The following CDH12 variants were observed in gnomAD, a reference collection of about 807,000 sequenced individuals.
CDH12 encodes cadherin-12.
In CDH12, 41 loss-of-function variants were observed where a neutral mutation model predicts 74.1. The observed-to-expected ratio is 0.55, with a 90% CI of 0.43 to 0.72. The LOEUF (loss-of-function observed/expected upper bound fraction) is 0.72. CDH12 is among the 30% of genes least tolerant of loss of function. The pLI is 0.00. For missense variants in CDH12, 945 were observed against 977.2 expected (o/e 0.97, Z 0.44); for synonymous variants, 399 against 355.0 (o/e 1.12, Z -1.39).
At chr5:22,597,929 A>G (rs1736681527) in intron 1 of CDH12, among the ~76,000 whole-genome samples, 1 of 152,222 alleles carries the variant, frequency 6.6e-6, no homozygotes, top group South Asian at 2.1e-4. Context: ...ACTACAAAAT[A>G]TCAAAGATAT....
chr5:22,011,087 G>A (rs4585406), intron 5 of CDH12, among the ~76,000 whole-genome samples: 34,108 of 151,920 alleles, frequency 0.22, 3,959 homozygotes, highest in South Asian at 0.33. Context: ...GTCTCTTTTC[G>A]AGGGAAATAA....
intron 6 of CDH12, among the ~76,000 whole-genome samples, chr5:21,880,564 C>CCTTCCTTCCTTCCTTCCCTTCT (rs1561268045): frequency 2.1e-4 from 3 of 14,522 alleles, no homozygotes; most frequent in African/African-American, 3.6e-4. Context: ...CCTTCCTTCC[C>CCTTCCTTCCTTCCTTCCCTTCT]TTCTTTCTTT....
At chr5:22,533,260 C>T (rs1549326) in intron 1 of CDH12, among the ~76,000 whole-genome samples, 21,718 of 152,064 alleles carry the variant, frequency 0.14, 2,259 homozygotes, top group East Asian at 0.36. Context: ...CACAAGAGAG[C>T]CCCTGCCTAA....
intron 3 of CDH12, among the ~76,000 whole-genome samples, chr5:22,270,118 G>T (rs2150399589): frequency 6.6e-6 from 1 of 152,166 alleles, no homozygotes; most frequent in Admixed American, 6.5e-5. Flanking sequence ...TCTGCTTATT[G>T]TTATAAATGT....
intron 5 of CDH12, among the ~76,000 whole-genome samples, chr5:22,020,605 T>C (rs1384727151): frequency 6.6e-6 from 1 of 151,710 alleles, no homozygotes; most frequent in Admixed American, 6.6e-5. Context: ...TTCATGTCAA[T>C]TGATTCCTGA....
intron 2 of CDH12, among the ~76,000 whole-genome samples, chr5:22,407,200 TTTAAG>T (rs758970474): frequency 2.6e-5 from 4 of 152,090 alleles, no homozygotes; most frequent in Non-Finnish European, 5.9e-5. Flanking sequence ...AAAATTATCA[TTTAAG>T]TTAATTATTC....
At chr5:22,231,991 T>C (rs1752402871) in intron 3 of CDH12, among the ~76,000 whole-genome samples, 1 of 151,906 alleles carries the variant, frequency 6.6e-6, no homozygotes, top group African/African-American at 2.4e-5. Flanking sequence ...AGATATTTTA[T>C]ACATTGCCTA....
chr5:22,116,754 A>T (rs577797379), intron 4 of CDH12, among the ~76,000 whole-genome samples: 1 of 152,200 alleles, frequency 6.6e-6, no homozygotes, highest in African/African-American at 2.4e-5. Context: ...TATATAATAA[A>T]TGGTGTTTTA....
intron 6 of CDH12, among the ~76,000 whole-genome samples, chr5:21,944,868 A>C (rs1382380607): frequency 6.6e-6 from 1 of 152,092 alleles, no homozygotes; most frequent in African/African-American, 2.4e-5. Flanking sequence ...CCACCTAACC[A>C]GTCTACAAGA....
At chr5:22,146,084 C>T (rs1226266856) in intron 4 of CDH12, among the ~76,000 whole-genome samples, 3 of 151,968 alleles carry the variant, frequency 2.0e-5, no homozygotes, top group African/African-American at 7.2e-5. Flanking sequence ...TTGTAATGAC[C>T]TGTAAAATGA....
intron 6 of CDH12, among the ~76,000 whole-genome samples, chr5:21,935,138 TCTC>T (rs1180129720): frequency 2.0e-5 from 3 of 152,072 alleles, no homozygotes; most frequent in Admixed American, 1.3e-4. Context: ...TGCTTCTCCT[TCTC>T]CTCCTCTTCT....
At chr5:22,396,338 G>A (rs1032499892) in intron 3 of CDH12, among the ~76,000 whole-genome samples, 3 of 152,066 alleles carry the variant, frequency 2.0e-5, no homozygotes, top group African/African-American at 4.8e-5. Flanking sequence ...AGTTACTCCT[G>A]TGGAGCAAAG....
chr5:22,834,181 C>T (rs1020131545), intron 1 of CDH12, among the ~76,000 whole-genome samples: 1 of 152,160 alleles, frequency 6.6e-6, no homozygotes, highest in African/African-American at 2.4e-5. Flanking sequence ...AGCATCAGTA[C>T]CACTTCTGCT....
chr5:22,822,162 G>C (rs1265817032), intron 1 of CDH12, among the ~76,000 whole-genome samples: 1 of 151,536 alleles, frequency 6.6e-6, no homozygotes, highest in African/African-American at 2.4e-5. Flanking sequence ...ATGGTGCTGG[G>C]AAAACTGGCT....
chr5:22,491,433 G>T (rs35132527), intron 2 of CDH12, among the ~76,000 whole-genome samples: 59,120 of 151,644 alleles, frequency 0.39, 11,845 homozygotes, highest in Non-Finnish European at 0.44. Context: ...ACAAATTGTT[G>T]TATGTTACAA....
chr5:22,242,404 T>C (rs1385274467), intron 3 of CDH12, among the ~76,000 whole-genome samples: 1 of 152,178 alleles, frequency 6.6e-6, no homozygotes, highest in Non-Finnish European at 1.5e-5. Flanking sequence ...AACTCCTCAT[T>C]TTAGCTAGGA....
chr5:22,482,774 T>A (rs185103446), intron 2 of CDH12, among the ~76,000 whole-genome samples: 5 of 152,308 alleles, frequency 3.3e-5, no homozygotes, highest in Admixed American at 2.6e-4. Flanking sequence ...TCATCAAATC[T>A]CTACCAAGCT....
intron 10 of CDH12, among the ~76,000 whole-genome samples, chr5:21,799,837 A>G (rs780719957): frequency 6.6e-6 from 1 of 152,110 alleles, no homozygotes; most frequent in African/African-American, 2.4e-5. Context: ...TGGAGCCCTG[A>G]GAGTGTGACC....
At chr5:22,140,279 C>CAAGTT (rs55949544) in intron 4 of CDH12, among the ~76,000 whole-genome samples, 23,435 of 151,080 alleles carry the variant, frequency 0.16, 2,201 homozygotes, top group African/African-American at 0.27. Context: ...ACCATAAAGT[C>CAAGTT]AAGTCAGACA....
Sources: gnomAD v4.1 joint callset for allele counts (sites outside exome capture counted in the v4.1 genomes callset) on GRCh38, gnomAD v4.1.1 for gene constraint, MANE v1.5 for transcripts, NCBI Gene and HGNC (gene_info 2026-07-23, HGNC 2026-07-21) for gene names.